AKAP8: variants seen among roughly 807,000 people sequenced by gnomAD.
AKAP8 encodes the protein A-kinase anchoring protein 8, also known as A-kinase anchor protein 8.
A neutral mutation model predicts 67.5 loss-of-function variants in AKAP8; 24 were observed. That is an observed-to-expected ratio of 0.36 (90% confidence interval 0.26 to 0.50). AKAP8 has a LOEUF of 0.50. Ranked by LOEUF, AKAP8 falls within the 20% of genes least tolerant of loss-of-function variation. The probability of loss-of-function intolerance (pLI) is 0.97; values close to 1 mark genes in which losing one functional copy is unlikely to be tolerated. For synonymous variants in AKAP8, 400 were observed against 371.1 expected, an observed-to-expected ratio of 1.08 and a Z score of -0.90; for missense variants, 971 against 955.9, an observed-to-expected ratio of 1.02 and a Z score of -0.21.
Position 15,368,237 on chromosome 19 carries a change from G to T in AKAP8, c.1158C>A (p.Asp386Glu). 6.2e-7 allele frequency: 1 copy of T among 1,611,838 alleles called. No homozygotes were observed. The change falls in exon 9 of 14, where the codon GAC becomes GAA. Residue 386 changes from aspartate to glutamate, a missense_variant and splice_region_variant. This residue lies in a region of AKAP8 where 763 missense variants were observed against 745.4 expected (regional missense o/e 1.02). Coordinates refer to ENST00000269701, the MANE Select transcript of AKAP8 (RefSeq NM_005858.4). ...GGGGTCGTGTGCCCGCGCCTCACCT[G>T]TCGGCTGCACGGTCCCGCGTCCTGT... ...RRDRTRDRAA[D>E]RIQFACSVCK...
At position 15,372,252 on chromosome 19, in the gene AKAP8, G is replaced by A. The variant is rs2145082111; in HGVS notation, c.957C>T (p.Ala319=). 2 of 1,614,118 alleles carry A rather than the reference G, an allele frequency of 1.2e-6. No homozygotes were observed. Among genetic ancestry groups the A allele is most frequent in the Admixed American group, 3.3e-5 (2 of 60,012 alleles). Residue 319 remains alanine, a synonymous_variant, in exon 6 of 14, where the codon GCC becomes GCT. Transcript: ENST00000269701. ...QLYEEPDTKL[A]RVDSEGDFSE... Reference sequence around the variant, plus strand: ...AGAAATCTCCTTCACTGTCAACCCGGGCCAGTTTGGTGTCTGGCTCCTCGT... The same window carrying A: ...AGAAATCTCCTTCACTGTCAACCCGAGCCAGTTTGGTGTCTGGCTCCTCGT...
At chr19:15,370,078 A>G in intron 8 of AKAP8, 68 bp downstream of exon 8, 1 of 1,593,202 alleles carries the variant, frequency 6.3e-7, no homozygotes, top group South Asian at 1.1e-5. Context: ...CTTGCTCAGA[A>G]GCTGGGCAGT....
In AKAP8 at chr19:15,362,161, G is replaced by A; in HGVS notation, c.1251C>T (p.Thr417=). 6.2e-7 allele frequency: 1 copy of A among 1,614,102 alleles called. No individual in the cohort carries two copies. The highest frequency in any genetic ancestry group is 8.5e-7 in the Non-Finnish European group (1 of 1,180,018). ...GCAGCTTGGTGCTTATGAACCGCAG[G>A]GTCTCTTTGTGAAATTTGCTTTGCA... The part of the protein sequence containing the change: ...KHLQSKFHKE[T]LRFISTKLPD... The change falls in exon 10 of 14, where the codon ACC becomes ACT. Residue 417 remains threonine, a synonymous_variant. Coordinates refer to ENST00000269701, the MANE Select transcript of AKAP8 (RefSeq NM_005858.4).
chr19:15,366,500 G>C (rs571494066), intron 9 of AKAP8, among the ~76,000 whole-genome samples: 4 of 150,188 alleles, frequency 2.7e-5, no homozygotes, highest in Middle Eastern at 3.4e-3. Context: ...TTGAATCCTT[G>C]ATTTAAGGTT....
intron 13 of AKAP8, among the ~76,000 whole-genome samples, chr19:15,358,395 C>T (rs960679880): frequency 1.3e-5 from 2 of 151,530 alleles, no homozygotes; most frequent in Non-Finnish European, 2.9e-5. Flanking sequence ...CACTCTGTCA[C>T]CTGGGCTGGA....
At chr19:15,368,087 A>G (rs933112423) in intron 9 of AKAP8, 148 bp downstream of exon 9, 1 of 944,746 alleles carries the variant, frequency 1.1e-6, no homozygotes, top group Non-Finnish European at 1.6e-6. Flanking sequence ...TGCACTCCCA[A>G]TTGTTTACTG....
At chr19:15,374,168 G>A (rs980534188) in intron 3 of AKAP8, 103 bp from the exon 4 acceptor site, 9 of 1,354,586 alleles carry the variant, frequency 6.6e-6, no homozygotes, top group Admixed American at 2.5e-5. Context: ...GAAGGAAAAC[G>A]GGTGTGGGAC....
intron 11 of AKAP8, among the ~76,000 whole-genome samples, chr19:15,361,312 A>C (rs1386525774): frequency 6.6e-6 from 1 of 150,404 alleles, no homozygotes; most frequent in African/African-American, 2.5e-5. Context: ...GGGTCTCGTC[A>C]TCACCTTCTC....
intron 1 of AKAP8, among the ~76,000 whole-genome samples, chr19:15,377,596 G>A (rs1423503213): frequency 6.6e-6 from 1 of 152,160 alleles, no homozygotes; most frequent in East Asian, 1.9e-4. Flanking sequence ...AGCCTCCCGA[G>A]TAGCTGGGAC....
intron 10 of AKAP8, 98 bp downstream of exon 10, chr19:15,362,012 T>C: frequency 1.3e-6 from 2 of 1,517,560 alleles, no homozygotes; most frequent in Non-Finnish European, 1.8e-6. Flanking sequence ...AAGGAAACCT[T>C]GGCCAAGTAT....
intron 7 of AKAP8, among the ~76,000 whole-genome samples, chr19:15,371,614 A>C (rs1395194258): frequency 2.0e-5 from 3 of 151,304 alleles, no homozygotes; most frequent in Non-Finnish European, 4.4e-5. Flanking sequence ...TCAGCCTCCC[A>C]AGTAGCTGCT....
intron 13 of AKAP8, 94 bp from the exon 14 acceptor site, chr19:15,355,464 A>G (rs1278227369): frequency 3.3e-5 from 38 of 1,162,138 alleles, no homozygotes; most frequent in Non-Finnish European, 4.6e-5. Flanking sequence ...CCAGCAGTCC[A>G]CAAGGGAAAC....
chr19:15,374,698 T>C, intron 2 of AKAP8, 63 bp from the exon 3 acceptor site: 1 of 1,589,066 alleles, frequency 6.3e-7, no homozygotes, highest in Non-Finnish European at 8.6e-7. Flanking sequence ...ACACCCCAGC[T>C]GTCACCTTGC....
intron 1 of AKAP8, among the ~76,000 whole-genome samples, chr19:15,377,413 A>C (rs1419711683): frequency 3.9e-5 from 6 of 152,250 alleles, no homozygotes; most frequent in Non-Finnish European, 7.3e-5. Context: ...TTCGTAACTG[A>C]AAACAAGCAT....
At chr19:15,358,867 A>G (rs1966919253) in intron 13 of AKAP8, 100 bp downstream of exon 13, 1 of 1,097,070 alleles carries the variant, frequency 9.1e-7, no homozygotes, top group Non-Finnish European at 1.4e-6. Flanking sequence ...CAAAAGACTC[A>G]GAAATGCTAA....
chr19:15,378,072 C>G lies in AKAP8; in HGVS notation c.20-1058G>C, dbSNP rs558702969. ...AACTCCCCCGCCCCCGGCTAAGTGC[C>G]TAGTGCGTGCCGATACACCGCAAGC... On this transcript the variant is annotated intron_variant, in intron 1 of 13. Transcript: ENST00000269701. Among the ~76,000 whole-genome samples, 200 of 152,318 alleles carry G rather than the reference C, an allele frequency of 1.3e-3. 1 individual carries two copies. Among genetic ancestry groups the G allele is most frequent in the African/African-American group, 3.8e-3 (159 of 41,570 alleles).
In AKAP8 at chr19:15,361,836, G is replaced by A. The variant is rs757358794; in HGVS notation, c.1303-14C>T. On this transcript the variant is annotated splice_polypyrimidine_tract_variant and intron_variant, in intron 10 of 13. Coordinates refer to ENST00000269701, the MANE Select transcript of AKAP8 (RefSeq NM_005858.4). ...TACAATGTATTCCTAGGTGGGATTG[G>A]AGAGGGCATAAAGTAAAATGAGAGG... 6.2e-5 allele frequency: 100 copies of A among 1,605,456 alleles called. No individual in the cohort carries two copies. The highest frequency in any genetic ancestry group is 1.6e-4 in the Middle Eastern group (1 of 6,068).
intron 13 of AKAP8, among the ~76,000 whole-genome samples, chr19:15,357,587 AG>A (rs1966901374): frequency 6.6e-6 from 1 of 151,846 alleles, no homozygotes; most frequent in African/African-American, 2.4e-5. Context: ...GGGTACCAAG[AG>A]AACAAGACCC....
chr19:15,379,422 A>C (rs1247733049), intron 1 of AKAP8: 1 of 387,720 alleles, frequency 2.6e-6, no homozygotes, highest in African/African-American at 2.1e-5. Flanking sequence ...AGGGGCAAAA[A>C]CGGCCCACAC....
Sources: allele counts gnomAD v4.1 joint callset (sites outside exome capture counted in the v4.1 genomes callset), GRCh38; gene constraint gnomAD v4.1.1; regional missense constraint gnomAD v4.1.1; transcripts MANE v1.5; gene names NCBI Gene and HGNC (gene_info 2026-07-23, HGNC 2026-07-21).